The following PTPN14 variants were observed in gnomAD, a reference collection of about 807,000 sequenced individuals.
PTPN14 encodes the protein protein tyrosine phosphatase non-receptor type 14.
A neutral mutation model predicts 126.8 loss-of-function variants in PTPN14; 53 were observed. The ratio of observed to expected loss-of-function variants is 0.42; its 90% CI spans 0.34 to 0.53. The LOEUF is 0.53. PTPN14 is among the 20% of genes least tolerant of loss of function. The pLI, the probability that PTPN14 is intolerant of heterozygous loss-of-function variation, is 0.08. For missense variants in PTPN14, 1,257 were observed against 1,552.9 expected (o/e 0.81, Z 3.20); for synonymous variants, 630 against 599.3 (o/e 1.05, Z -0.75).
At chr1:214,492,308 AT>A (rs1047178590) in intron 1 of PTPN14, among the ~76,000 whole-genome samples, 6 of 139,396 alleles carry the variant, frequency 4.3e-5, no homozygotes, top group African/African-American at 1.6e-4. Context: ...CACTTAGGAG[AT>A]AAGATGGCCC....
At chr1:214,368,411 C>G (rs529148589) in intron 17 of PTPN14, among the ~76,000 whole-genome samples, 2 of 151,904 alleles carry the variant, frequency 1.3e-5, no homozygotes, top group Non-Finnish European at 2.9e-5. Flanking sequence ...ATGTTGGCCA[C>G]GCTGGTCTCA....
At chr1:214,377,893 C>G in intron 14 of PTPN14, 66 bp downstream of exon 14, 1 of 1,540,872 alleles carries the variant, frequency 6.5e-7, no homozygotes, top group Non-Finnish European at 8.8e-7. Context: ...CATATTCGGG[C>G]AAGGAGGGTG....
rs146640564 is a variant in PTPN14, at chr1:214,350,533, C to CTTTTTTTT, written c.*7381_*7388dup. The CTTTTTTTT allele has an allele frequency of 5.3e-5, 3 of 56,990 alleles. No individual in the cohort carries two copies. Among genetic ancestry groups the CTTTTTTTT allele is most frequent in the African/African-American group, 7.0e-5 (1 of 14,384 alleles). The allele number at this position is 56,990 out of a possible 1,614,324, so 3.5% of individuals were successfully genotyped here. On this transcript the variant is annotated 3_prime_UTR_variant, in exon 19 of 19. Coordinates refer to ENST00000366956, the MANE Select transcript of PTPN14 (RefSeq NM_005401.5). ...TTCTGGTTATTTTCATCCGCCAGAT[C>CTTTTTTTT]TTTTTTTTTTTTTTTTTTTTTTTTT...
chr1:214,407,249 A>T (rs1659191710), intron 5 of PTPN14, among the ~76,000 whole-genome samples: 1 of 152,206 alleles, frequency 6.6e-6, no homozygotes, highest in African/African-American at 2.4e-5. Flanking sequence ...TGGAGGCTGG[A>T]CACAGTGGCT....
intron 1 of PTPN14, among the ~76,000 whole-genome samples, chr1:214,548,131 C>T (rs1656018376): frequency 6.6e-6 from 1 of 152,160 alleles, no homozygotes; most frequent in South Asian, 2.1e-4. Context: ...GTTACCAGAT[C>T]CATTTTGCAG....
rs1262621015 is a variant in PTPN14 at position 214,398,035 on chromosome 1, C to G, written c.670-34G>C. The G allele has an allele frequency of 2.0e-6, 3 of 1,488,540 alleles. No individual in the cohort carries two copies. The East Asian group carries it at 6.8e-5, about 34-fold the overall frequency. The allele number at this position is 1,488,540 out of a possible 1,614,324, so 92.2% of individuals were successfully genotyped here. A position where few individuals can be genotyped will look rare whatever the true frequency, so the allele number is the denominator to read the frequency against. Reference sequence around the variant, plus strand: ...GACCAACAAAAGATACTTGTGATGACCCATGTTCACTGCAACATTATTCAC... The same window carrying G: ...GACCAACAAAAGATACTTGTGATGAGCCATGTTCACTGCAACATTATTCAC... On this transcript the variant is annotated intron_variant, in intron 7 of 18. Coordinates refer to ENST00000366956, the MANE Select transcript of PTPN14 (RefSeq NM_005401.5).
At chr1:214,424,168 C>T (rs554975712) in intron 3 of PTPN14, among the ~76,000 whole-genome samples, 8 of 151,398 alleles carry the variant, frequency 5.3e-5, no homozygotes, top group South Asian at 2.1e-4. Flanking sequence ...TGGTGGCGGG[C>T]GCCTGTAATC....
At chr1:214,528,486 A>G (rs1655456560) in intron 1 of PTPN14, 1 of 152,252 alleles carries the variant, frequency 6.6e-6, no homozygotes, top group Non-Finnish European at 1.5e-5. Context: ...TATTCTCACA[A>G]TATATTGCTC....
chr1:214,375,334 AG>A lies in PTPN14; in HGVS notation c.2907+884del, dbSNP rs1309554322. On this transcript the variant is annotated intron_variant, in intron 15 of 18. Coordinates refer to ENST00000366956, the MANE Select transcript of PTPN14 (RefSeq NM_005401.5). ...TGAGGAAAGTAAGTAATTCTAGACAAGGCCGAAAACAGGTTTCTAAGGCTAT... is the reference window on the plus strand; with the variant it reads ...TGAGGAAAGTAAGTAATTCTAGACAAGCCGAAAACAGGTTTCTAAGGCTAT... Among the ~76,000 whole-genome samples the A allele has an allele frequency of 1.1e-4, 16 of 152,330 alleles. 1 individual carries two copies. The East Asian group carries it at 1.9e-3, about 18-fold the overall frequency.
chr1:214,462,385 T>G (rs548009462), intron 2 of PTPN14, among the ~76,000 whole-genome samples: 149 of 152,306 alleles, frequency 9.8e-4, no homozygotes, highest in African/African-American at 3.5e-3. Flanking sequence ...CCATTTGTTA[T>G]AAACTCTAGC....
chr1:214,542,853 AC>A (rs1483311636), intron 1 of PTPN14, among the ~76,000 whole-genome samples: 1 of 152,162 alleles, frequency 6.6e-6, no homozygotes, highest in Non-Finnish European at 1.5e-5. Context: ...AGAACCTTAA[AC>A]ATCAAGCTGA....
At position 214,384,940 on chromosome 1, in the gene PTPN14, T is replaced by C. The variant is rs929256403; in HGVS notation, c.1067-152A>G. Reference sequence around the variant, plus strand: ...CCCACATGTTCTATAGAATAACAGATACTATCTTGGATGAAATGCCAACAT... The same window carrying C: ...CCCACATGTTCTATAGAATAACAGACACTATCTTGGATGAAATGCCAACAT... On this transcript the variant is annotated intron_variant, in intron 12 of 18. Transcript: ENST00000366956. This position sits in a 1 kb window ranked among gnomAD's most constrained non-coding sequence, Gnocchi z 5.3. 4 of 920,336 alleles carry C rather than the reference T, an allele frequency of 4.3e-6. No individual in the cohort carries two copies. The highest frequency in any genetic ancestry group is 2.7e-5 in the Admixed American group (1 of 36,904). The allele number at this position is 920,336 out of a possible 1,614,324, so 57.0% of individuals were successfully genotyped here.
At chr1:214,365,597 A>G (rs1658062266) in intron 17 of PTPN14, among the ~76,000 whole-genome samples, 1 of 152,184 alleles carries the variant, frequency 6.6e-6, no homozygotes. Context: ...AAACCAGACT[A>G]TAGGGGAAAT....
intron 1 of PTPN14, among the ~76,000 whole-genome samples, chr1:214,490,250 A>C (rs780026119): frequency 6.6e-6 from 1 of 152,212 alleles, no homozygotes; most frequent in African/African-American, 2.4e-5. Context: ...GAAATGTTTC[A>C]CATATAACCT....
intron 1 of PTPN14, among the ~76,000 whole-genome samples, chr1:214,548,165 G>A (rs1656019127): frequency 6.6e-6 from 1 of 152,088 alleles, no homozygotes; most frequent in African/African-American, 2.4e-5. Flanking sequence ...GGCTCAGAAG[G>A]GCTATGACGT....
intron 3 of PTPN14, among the ~76,000 whole-genome samples, chr1:214,418,655 T>C (rs1659476987): frequency 6.6e-6 from 1 of 152,228 alleles, no homozygotes; most frequent in South Asian, 2.1e-4. Context: ...TCACCAAGCT[T>C]TTCTCCACCC....
chr1:214,438,933 C>T (rs1402963039), intron 3 of PTPN14, among the ~76,000 whole-genome samples: 2 of 152,230 alleles, frequency 1.3e-5, no homozygotes, highest in Non-Finnish European at 2.9e-5. Flanking sequence ...GCTATGCTAG[C>T]ATCATCTCCT....
intron 18 of PTPN14, 74 bp from the exon 19 acceptor site, chr1:214,358,124 C>A: frequency 6.4e-7 from 1 of 1,550,492 alleles, no homozygotes; most frequent in South Asian, 1.2e-5. Flanking sequence ...TTCCCTCATT[C>A]AGGAAGCACT....
chr1:214,433,424 G>A (rs1659837886), intron 3 of PTPN14, among the ~76,000 whole-genome samples: 1 of 151,956 alleles, frequency 6.6e-6, no homozygotes, highest in South Asian at 2.1e-4. Flanking sequence ...AAGAATCTTA[G>A]AGCTACTTAT....
Sources: allele counts gnomAD v4.1 joint callset (sites outside exome capture counted in the v4.1 genomes callset), GRCh38; gene constraint gnomAD v4.1.1; non-coding constraint Gnocchi (gnomAD v3.1); transcripts MANE v1.5; gene names NCBI Gene and HGNC (gene_info 2026-07-23, HGNC 2026-07-21).